The following RNF32 variants were observed in gnomAD, a reference collection of about 807,000 sequenced individuals.
The protein encoded by RNF32 is ring finger protein 32.
Under a neutral mutation model 41.0 loss-of-function variants are expected in RNF32, and 36 were observed. That is an observed-to-expected ratio of 0.88 (90% CI 0.67 to 1.16). The LOEUF is 1.16. Ranked by LOEUF, RNF32 falls within the 50% of genes most tolerant of loss-of-function variation. RNF32 has a pLI of 0.00. For synonymous variants in RNF32, 154 were observed against 160.9 expected (o/e 0.96, Z 0.32); for missense variants, 413 against 436.7 (o/e 0.95, Z 0.48).
Position 156,654,690 on chromosome 7 carries a change from G to A in RNF32, c.389G>A (p.Cys130Tyr), listed in dbSNP as rs775257341. 4 of 1,614,126 alleles carry A rather than the reference G, an allele frequency of 2.5e-6. No homozygotes were observed. The South Asian group carries it at 3.3e-5, about 13-fold the overall frequency. Residue 130 changes from cysteine (C) to tyrosine (Y), a missense_variant, in exon 4 of 9, where the codon TGT (cysteine) becomes TAT (tyrosine). Transcript: ENST00000317955. Reference sequence around the variant, plus strand: ...GACTCCGTGCAACCATGCCCCATCTGTAAAGAAGAATTCGAGCTTCGTCCT... The same window carrying A: ...GACTCCGTGCAACCATGCCCCATCTATAAAGAAGAATTCGAGCTTCGTCCT... ...QGDSVQPCPI[C>Y]KEEFELRPQV... is the part of the protein sequence containing the mutation.
chr7:156,676,331 G>A (rs779938962), intron 8 of RNF32, 88 bp from the exon 9 acceptor site: 36 of 1,612,866 alleles, frequency 2.2e-5, no homozygotes, highest in South Asian at 7.7e-5. Flanking sequence ...CCCATGTCTC[G>A]GGGCACATGG....
chr7:156,642,779 G>C (rs1230527246), intron 1 of RNF32, among the ~76,000 whole-genome samples: 1 of 152,146 alleles, frequency 6.6e-6, no homozygotes, highest in Non-Finnish European at 1.5e-5. Flanking sequence ...GGATGTGGGA[G>C]GAACCCGGGG....
intron 8 of RNF32, 89 bp from the exon 9 acceptor site, chr7:156,676,330 C>T (rs769630363): frequency 3.7e-6 from 6 of 1,612,962 alleles, no homozygotes; most frequent in Middle Eastern, 1.6e-4. Context: ...ACCCATGTCT[C>T]GGGGCACATG....
At chr7:156,650,516 C>G (rs147600522) in intron 3 of RNF32, among the ~76,000 whole-genome samples, 1 of 152,184 alleles carries the variant, frequency 6.6e-6, no homozygotes, top group African/African-American at 2.4e-5. Context: ...TACATTGTGG[C>G]CAGAGAGCAC....
intron 4 of RNF32, among the ~76,000 whole-genome samples, chr7:156,655,073 G>T (rs1799401067): frequency 6.6e-6 from 1 of 151,900 alleles, no homozygotes; most frequent in South Asian, 2.1e-4. Flanking sequence ...GTGGTTTTGT[G>T]ATTTGAGTCA....
chr7:156,648,300 G>A (rs954828530), intron 3 of RNF32, among the ~76,000 whole-genome samples: 3 of 152,126 alleles, frequency 2.0e-5, no homozygotes, highest in African/African-American at 7.2e-5. Flanking sequence ...TTTCCACAGC[G>A]ACGCCAGGGG....
intron 7 of RNF32, among the ~76,000 whole-genome samples, chr7:156,672,594 G>GT (rs1373605012): frequency 3.3e-5 from 5 of 152,216 alleles, no homozygotes; most frequent in African/African-American, 1.2e-4. Context: ...CTTGAGCTAA[G>GT]TAACTCATTT....
At chr7:156,656,521 T>C (rs1054528186) in intron 4 of RNF32, among the ~76,000 whole-genome samples, 19 of 152,258 alleles carry the variant, frequency 1.2e-4, no homozygotes, top group African/African-American at 4.6e-4. Context: ...GACTTACTCT[T>C]GGCAATAAGT....
chr7:156,646,357 C>G, intron 3 of RNF32: 2 of 1,226,868 alleles, frequency 1.6e-6, no homozygotes, highest in Non-Finnish European at 2.2e-6. Context: ...CCTGGCATTG[C>G]TTAGCTTGTG....
intron 1 of RNF32, among the ~76,000 whole-genome samples, chr7:156,643,335 A>G (rs892731685): frequency 2.6e-5 from 4 of 152,150 alleles, no homozygotes; most frequent in Admixed American, 2.6e-4. Flanking sequence ...CTTGCGTTCC[A>G]GTTTCTTCAT....
intron 4 of RNF32, among the ~76,000 whole-genome samples, chr7:156,655,101 T>C (rs1799406989): frequency 6.6e-6 from 1 of 151,830 alleles, no homozygotes; most frequent in South Asian, 2.1e-4. Context: ...AAAAAAAAAC[T>C]GTGCTTGAAT....
At chr7:156,648,781 C>A (rs1487461505) in intron 3 of RNF32, among the ~76,000 whole-genome samples, 1 of 152,132 alleles carries the variant, frequency 6.6e-6, no homozygotes, top group African/African-American at 2.4e-5. Flanking sequence ...ATCTTCTGTT[C>A]TTTTACCATC....
At chr7:156,646,420 T>C in intron 3 of RNF32, 1 of 1,303,820 alleles carries the variant, frequency 7.7e-7, no homozygotes, top group Non-Finnish European at 1.0e-6. Flanking sequence ...CTTCTCTAGG[T>C]GTGATTGTAC....
At chr7:156,659,408 C>G (rs778161541) in intron 7 of RNF32, 14 of 985,716 alleles carry the variant, frequency 1.4e-5, no homozygotes, top group Non-Finnish European at 1.7e-5. Context: ...TGTTCATTCT[C>G]AATTTGGTAA....
Position 156,669,535 on chromosome 7 carries a change from C to T in RNF32, c.685-6161C>T, listed in dbSNP as rs1377352191. On this transcript the variant is annotated intron_variant, in intron 7 of 8. Coordinates refer to ENST00000317955, the MANE Select transcript of RNF32 (RefSeq NM_030936.4). The surrounding 1 kb of genome is among the most constrained non-coding windows in gnomAD (Gnocchi z 4.2). ...GAGGGGCAGGCTGGCAGAGTGTGAG[C>T]CGCTGGGCACAGGTGACCCTTCCAG... 6.6e-6 allele frequency among the ~76,000 whole-genome samples: 1 copy of T among 152,136 alleles called. No individual in the cohort carries two copies. Among genetic ancestry groups the T allele is most frequent in the Admixed American group, 6.5e-5 (1 of 15,284 alleles).
intron 7 of RNF32, among the ~76,000 whole-genome samples, chr7:156,667,832 T>G (rs1311684289): frequency 3.9e-5 from 6 of 152,218 alleles, no homozygotes; most frequent in African/African-American, 1.2e-4. Flanking sequence ...GTTCACTGTT[T>G]AAATTTGTCA....
At chr7:156,650,912 C>A (rs1194470999) in intron 3 of RNF32, among the ~76,000 whole-genome samples, 2 of 152,198 alleles carry the variant, frequency 1.3e-5, no homozygotes, top group African/African-American at 2.4e-5. Context: ...TAGAAAACCT[C>A]CCCCTTCACC....
At chr7:156,653,491 C>T (rs1290482839) in intron 3 of RNF32, among the ~76,000 whole-genome samples, 1 of 152,228 alleles carries the variant, frequency 6.6e-6, no homozygotes. Context: ...CATTTCTACT[C>T]TAAAAGCCCA....
chr7:156,662,605 T>C (rs565803259), intron 7 of RNF32, among the ~76,000 whole-genome samples: 1 of 152,136 alleles, frequency 6.6e-6, no homozygotes, highest in African/African-American at 2.4e-5. Flanking sequence ...CTGCTTGACC[T>C]GGGACGTTGG....
Sources: allele counts gnomAD v4.1 joint callset (sites outside exome capture counted in the v4.1 genomes callset), GRCh38; gene constraint gnomAD v4.1.1; non-coding constraint Gnocchi (gnomAD v3.1); transcripts MANE v1.5; gene names NCBI Gene and HGNC (gene_info 2026-07-23, HGNC 2026-07-21).